The following FOXRED2 variants were observed in gnomAD, a reference collection of about 807,000 sequenced individuals.
FOXRED2 encodes the protein FAD dependent oxidoreductase domain containing 2.
In FOXRED2, 32 loss-of-function variants were observed where a neutral mutation model predicts 52.5. That is an observed-to-expected ratio of 0.61 (90% CI 0.46 to 0.82). The LOEUF is 0.82. FOXRED2 is among the 40% of genes least tolerant of loss of function. FOXRED2 has a pLI of 0.00. For synonymous variants in FOXRED2, 405 were observed against 398.1 expected (o/e 1.02, Z -0.21); for missense variants, 848 against 937.5 (o/e 0.90, Z 1.25).
chr22:36,489,760 TG>T lies in FOXRED2; in HGVS notation c.*247del. The T allele has an allele frequency of 2.3e-6, 1 of 428,200 alleles. No homozygotes were observed. Among genetic ancestry groups the T allele is most frequent in the South Asian group, 4.4e-5 (1 of 22,820 alleles). The allele number at this position is 428,200 out of a possible 1,614,324, so 26.5% of individuals were successfully genotyped here. The stretch of plus-strand genomic sequence containing the variant: ...CAGCTCCATTGCAGACAAACTGGGC[TG>T]GGGAAGGCAGCTCCCACCTGGCAGA... On this transcript the variant is annotated 3_prime_UTR_variant, in exon 9 of 9. Coordinates refer to ENST00000397224, the MANE Select transcript of FOXRED2 (RefSeq NM_001102371.2).
chr22:36,488,054 T>C lies in FOXRED2; in HGVS notation c.*1954A>G, dbSNP rs921293579. 1 of 149,152 alleles carries C rather than the reference T, an allele frequency of 6.7e-6. No homozygotes were observed. The highest frequency in any genetic ancestry group is 2.5e-5 in the African/African-American group (1 of 40,296). 9.2% of individuals were successfully genotyped at this position (149,152 alleles called of 1,614,324 possible). On this transcript the variant is annotated 3_prime_UTR_variant, in exon 9 of 9. Coordinates refer to ENST00000397224, the MANE Select transcript of FOXRED2 (RefSeq NM_001102371.2). ...TTGCAGTGAGCCGACATCGTGCCAT[T>C]GCACTCCAGCCTGGGTGACAAGAGC...
chr22:36,493,294 T>C (rs555530686), intron 8 of FOXRED2, among the ~76,000 whole-genome samples: 11 of 152,190 alleles, frequency 7.2e-5, no homozygotes, highest in Admixed American at 3.9e-4. Context: ...AAAAAATTAG[T>C]TGGGCATGGT....
chr22:36,490,146 C>T lies in FOXRED2; in HGVS notation c.1917G>A (p.Arg639=). ...ESLWQHRVES[R]LLRDYAPTGR... ...CTGTGGGGGCATAGTCCCGCAGGAG[C>T]CTGCTCTCCACTCTGTGCTGCCAAA... is the stretch of plus-strand genomic sequence containing the variant. The change falls in exon 9 of 9, where the codon AGG becomes AGA. Residue 639 remains arginine, a synonymous_variant. Coordinates refer to ENST00000397224, the MANE Select transcript of FOXRED2 (RefSeq NM_001102371.2). The T allele has an allele frequency of 8.7e-6, 14 of 1,614,094 alleles. No homozygotes were observed. Among genetic ancestry groups the T allele is most frequent in the Non-Finnish European group, 1.2e-5 (14 of 1,179,958 alleles).
At chr22:36,494,241 A>G (rs1287683415) in intron 7 of FOXRED2, among the ~76,000 whole-genome samples, 1 of 150,904 alleles carries the variant, frequency 6.6e-6, no homozygotes, top group Non-Finnish European at 1.5e-5. Flanking sequence ...CTCTGCCTCC[A>G]GAGTAGCTGG....
intron 4 of FOXRED2, among the ~76,000 whole-genome samples, chr22:36,503,316 C>CTT (rs201708922): frequency 3.6e-5 from 5 of 138,086 alleles, no homozygotes; most frequent in Admixed American, 7.3e-5. Flanking sequence ...ATTCTTCTTT[C>CTT]TTTTTTTTTT....
In FOXRED2 at chr22:36,493,812, A is replaced by G. The variant is rs769976435; in HGVS notation, c.1625-9T>C. On this transcript the variant is annotated splice_polypyrimidine_tract_variant and intron_variant, in intron 7 of 8. Transcript: ENST00000397224. ...GAACCTCACCTCCTGTTCTGTGGGG[A>G]GGAGAGAGGGGGCCATGTCAGAGCT... 6.2e-7 allele frequency: 1 copy of G among 1,613,420 alleles called. No homozygotes were observed. The highest frequency in any genetic ancestry group is 8.5e-7 in the Non-Finnish European group (1 of 1,179,592).
At chr22:36,493,472 T>C (rs924710649) in intron 8 of FOXRED2, among the ~76,000 whole-genome samples, 161 bp downstream of exon 8, 25 of 152,024 alleles carry the variant, frequency 1.6e-4, no homozygotes, top group Non-Finnish European at 3.1e-4. Context: ...TTATCCATTA[T>C]TTTTAGGTGA....
chr22:36,506,073 G>A lies in FOXRED2; in HGVS notation c.350C>T (p.Ala117Val). The A allele has an allele frequency of 6.2e-7, 1 of 1,614,250 alleles. No individual in the cohort carries two copies. The change falls in exon 2 of 9, where the codon GCC becomes GTC. Residue 117 changes from alanine (A) to valine (V), a missense_variant. Coordinates refer to ENST00000397224, the MANE Select transcript of FOXRED2 (RefSeq NM_001102371.2). ...PRLLFRHYSRAYFPDARDMVR... is the reference protein window; with the variant it reads ...PRLLFRHYSRVYFPDARDMVR... ...CATGTCGCGGGCGTCGGGGAAGTAGGCACGCGAGTAGTGTCTGAAGAGCAG... is the reference window on the plus strand; with the variant it reads ...CATGTCGCGGGCGTCGGGGAAGTAGACACGCGAGTAGTGTCTGAAGAGCAG...
intron 8 of FOXRED2, among the ~76,000 whole-genome samples, chr22:36,493,109 C>T (rs996712930): frequency 2.4e-4 from 36 of 152,314 alleles, no homozygotes; most frequent in African/African-American, 7.9e-4. Flanking sequence ...CTGGCCCTGG[C>T]GCCTTCCCAT....
In FOXRED2 at chr22:36,498,159, G is replaced by C; in HGVS notation, c.1217-3C>G. ...CAGGAGCCGGTGAACAGCACGCACT[G>C]GAACAGCCAGAGGGAGGAACGGCAC... On this transcript the variant is annotated splice_polypyrimidine_tract_variant and splice_region_variant and intron_variant, in intron 5 of 8. Transcript: ENST00000397224. The C allele has an allele frequency of 6.2e-7, 1 of 1,609,078 alleles. No homozygotes were observed. Among genetic ancestry groups the C allele is most frequent in the South Asian group, 1.1e-5 (1 of 90,962 alleles).
At chr22:36,496,260 G>C in intron 6 of FOXRED2, 52 bp from the exon 7 acceptor site, 1 of 1,608,402 alleles carries the variant, frequency 6.2e-7, no homozygotes, top group Non-Finnish European at 8.5e-7. Flanking sequence ...CAGAGGTGAG[G>C]GGTGCAGCCC....
intron 8 of FOXRED2, among the ~76,000 whole-genome samples, chr22:36,490,553 A>G (rs1933730036): frequency 6.6e-6 from 1 of 152,246 alleles, no homozygotes; most frequent in South Asian, 2.1e-4. Context: ...CAGCTCCCAG[A>G]CATCAGGGCT....
intron 3 of FOXRED2, 23 bp downstream of exon 3, chr22:36,504,492 A>G: frequency 6.2e-7 from 1 of 1,613,600 alleles, no homozygotes; most frequent in Non-Finnish European, 8.5e-7. Flanking sequence ...AGCACAGAAC[A>G]CACATGCGGG....
At chr22:36,498,568 C>T (rs1380237531) in intron 5 of FOXRED2, among the ~76,000 whole-genome samples, 2 of 152,160 alleles carry the variant, frequency 1.3e-5, no homozygotes, top group Non-Finnish European at 2.9e-5. Context: ...CAAGGAACGT[C>T]AAGTCCAACA....
rs117291545 is a variant in FOXRED2, at chr22:36,498,086, G to C, written c.1287C>G (p.Ile429Met). Residue 429 changes from isoleucine (I) to methionine (M), a missense_variant, in exon 6 of 9, where the codon ATC (isoleucine) becomes ATG (methionine). By Grantham distance (10) the Ile-to-Met change is conservative (BLOSUM62 1). Transcript: ENST00000397224. Reference protein sequence around the residue: ...SVTWPATELPITQLTSSIVRR... With the variant: ...SVTWPATELPMTQLTSSIVRR... Reference sequence around the variant, plus strand: ...GCACGATGGAGCTGGTCAGCTGTGTGATGGGGAGCTCAGTGGCGGGCCAGG... The same window carrying C: ...GCACGATGGAGCTGGTCAGCTGTGTCATGGGGAGCTCAGTGGCGGGCCAGG... The C allele has an allele frequency of 5.1e-4, 822 of 1,613,954 alleles. 13 individuals are homozygous for C. The East Asian group carries it at 0.016, about 32-fold the overall frequency.
At chr22:36,505,475 A>C (rs567048854) in intron 2 of FOXRED2, among the ~76,000 whole-genome samples, 1 of 152,320 alleles carries the variant, frequency 6.6e-6, no homozygotes, top group Non-Finnish European at 1.5e-5. Context: ...TGGTTTCAAA[A>C]ATAGAATTGA....
chr22:36,495,924 T>A (rs1271827597), intron 7 of FOXRED2, 43 bp downstream of exon 7: 1 of 1,604,856 alleles, frequency 6.2e-7, no homozygotes, highest in Non-Finnish European at 8.5e-7. Context: ...GACGGTGAGG[T>A]CTGAGGAGCC....
At chr22:36,506,485 C>T in intron 1 of FOXRED2, 62 bp from the exon 2 acceptor site, 1 of 1,391,246 alleles carries the variant, frequency 7.2e-7, no homozygotes, top group South Asian at 1.6e-5. Flanking sequence ...ACACGAGGCC[C>T]AGAAAGAGGC....
At chr22:36,506,816 G>A (rs8136333) in intron 1 of FOXRED2, 193 bp downstream of exon 1, 27,850 of 175,666 alleles carry the variant, frequency 0.16, 2,928 homozygotes, top group African/African-American at 0.31. Flanking sequence ...GACCGGGTGG[G>A]AGCCTGAAGT....
Sources: gnomAD v4.1 joint callset for allele counts (sites outside exome capture counted in the v4.1 genomes callset) on GRCh38, gnomAD v4.1.1 for gene constraint, MANE v1.5 for transcripts, NCBI Gene and HGNC (gene_info 2026-07-23, HGNC 2026-07-21) for gene names.